CACNA1B: variants seen among roughly 807,000 people sequenced by gnomAD.
The protein encoded by CACNA1B is calcium voltage-gated channel subunit alpha1 B.
Under a neutral mutation model 247.2 loss-of-function variants are expected in CACNA1B, and 70 were observed. The observed-to-expected ratio is 0.28, with a 90% CI of 0.23 to 0.35. The LOEUF is 0.35. Among genes scored for constraint, CACNA1B ranks in the 10% least tolerant of loss-of-function variants. The pLI, the probability that CACNA1B is intolerant of heterozygous loss-of-function variation, is 1.00. For synonymous variants in CACNA1B, 1,231 were observed against 1,294.4 expected, an observed-to-expected ratio of 0.95 and a Z score of 1.05; for missense variants, 2,367 against 3,197.4, an observed-to-expected ratio of 0.74 and a Z score of 6.26.
intron 3 of CACNA1B, among the ~76,000 whole-genome samples, chr9:137,908,053 A>G (rs1348679245): frequency 1.3e-5 from 2 of 152,184 alleles, no homozygotes; most frequent in Non-Finnish European, 2.9e-5. Context: ...TCCACAGAGT[A>G]TTAATTATTT....
rs986312229 is a variant in CACNA1B, at chr9:138,072,501, A to T, written c.4675-987A>T. Reference sequence around the variant, plus strand: ...TCTCTTTATTTGATGACTGAATCTGACAACACGAACGTGTCTCTGAGCCTG... The same window carrying T: ...TCTCTTTATTTGATGACTGAATCTGTCAACACGAACGTGTCTCTGAGCCTG... On this transcript the variant is annotated intron_variant, in intron 32 of 46. Coordinates refer to ENST00000371372, the MANE Select transcript of CACNA1B (RefSeq NM_000718.4). The surrounding 1 kb of genome is among the most constrained non-coding windows in gnomAD (Gnocchi z 4.5). Among the ~76,000 whole-genome samples, 1 of 152,236 alleles carries T rather than the reference A, an allele frequency of 6.6e-6. No homozygotes were observed. Among genetic ancestry groups the T allele is most frequent in the African/African-American group, 2.4e-5 (1 of 41,460 alleles).
At chr9:137,975,856 A>C in intron 11 of CACNA1B, 51 bp from the exon 12 acceptor site, 1 of 1,125,018 alleles carries the variant, frequency 8.9e-7, no homozygotes, top group Non-Finnish European at 1.3e-6. Context: ...GGCTGGAGCC[A>C]GAGTGGGAGG....
chr9:137,944,405 G>C (rs1462949694), intron 6 of CACNA1B, among the ~76,000 whole-genome samples: 1 of 152,124 alleles, frequency 6.6e-6, no homozygotes, highest in East Asian at 1.9e-4. Flanking sequence ...CCTCCAAGGA[G>C]AGCCTCAAGA....
rs1210587821 is a variant in CACNA1B, at chr9:137,881,034, G to A, written c.391-1710G>A. ...TGGGCAGGGCAGAGCTGTGAGGAGA[G>A]GGCTCGGGCTGGGGGCTCCTTCCCA... is the stretch of plus-strand genomic sequence containing the variant. On this transcript the variant is annotated intron_variant, in intron 2 of 46. Transcript: ENST00000371372. This position sits in a 1 kb window ranked among gnomAD's most constrained non-coding sequence, Gnocchi z 4.3. Among the ~76,000 whole-genome samples the A allele has an allele frequency of 2.0e-5, 3 of 152,248 alleles. No individual in the cohort carries two copies. Among genetic ancestry groups the A allele is most frequent in the Non-Finnish European group, 2.9e-5 (2 of 68,028 alleles).
chr9:137,892,982 G>A (rs914388665), intron 3 of CACNA1B, among the ~76,000 whole-genome samples: 9 of 152,214 alleles, frequency 5.9e-5, no homozygotes, highest in South Asian at 2.1e-4. Flanking sequence ...AGGGACACAC[G>A]GGAGGGGGGC....
rs200721739 is a variant in CACNA1B at position 138,120,223 on chromosome 9, G to T, written c.6089G>T (p.Arg2030Leu). 1.2e-6 allele frequency: 2 copies of T among 1,608,552 alleles called. No homozygotes were observed. Among genetic ancestry groups the T allele is most frequent in the Non-Finnish European group, 1.7e-6 (2 of 1,178,176 alleles). Reference protein sequence around the residue: ...RSISTLAQRPRGTHLCSTTPD... With the variant: ...RSISTLAQRPLGTHLCSTTPD... ...ATCTCCACGCTGGCCCAGCGGCCCC[G>T]TGGGACTCATCTTTGCAGCACCACC... Residue 2030 changes from arginine (R) to leucine (L), a missense_variant, in exon 45 of 47, where the codon CGT (arginine) becomes CTT (leucine). Arg to Leu is a moderately radical substitution (Grantham distance 102). Transcript: ENST00000371372.
Position 137,901,470 on chromosome 9 carries a change from C to T in CACNA1B, c.531-11710C>T, listed in dbSNP as rs574819790. The stretch of plus-strand genomic sequence containing the variant: ...CCTCCTAAGTAGCTGGGATTACAGG[C>T]GCATACCACCAAGCCCAGCTGATTT... On this transcript the variant is annotated intron_variant, in intron 3 of 46. Coordinates refer to ENST00000371372, the MANE Select transcript of CACNA1B (RefSeq NM_000718.4). 5.9e-5 allele frequency among the ~76,000 whole-genome samples: 9 copies of T among 152,162 alleles called. No individual in the cohort carries two copies. The East Asian group carries it at 1.2e-3, about 20-fold the overall frequency.
intron 6 of CACNA1B, among the ~76,000 whole-genome samples, chr9:137,935,024 G>C (rs1296660157): frequency 6.6e-6 from 1 of 152,182 alleles, no homozygotes; most frequent in Admixed American, 6.5e-5. Context: ...TAGTTATTAA[G>C]CTAATCAGAA....
chr9:137,923,416 C>T (rs1001946696), intron 6 of CACNA1B, among the ~76,000 whole-genome samples: 8 of 147,808 alleles, frequency 5.4e-5, no homozygotes, highest in Non-Finnish European at 1.2e-4. Context: ...GGTAGTATTC[C>T]ATGGCTCCAG....
In CACNA1B at chr9:138,058,868, T is replaced by C. The variant is rs1959612827; in HGVS notation, c.4473+135T>C. 4.8e-6 allele frequency: 4 copies of C among 842,022 alleles called. No homozygotes were observed. Among genetic ancestry groups the C allele is most frequent in the Non-Finnish European group, 7.6e-6 (4 of 525,050 alleles). The allele number at this position is 842,022 out of a possible 1,614,324, so 52.2% of individuals were successfully genotyped here. On this transcript the variant is annotated intron_variant, in intron 29 of 46. Coordinates refer to ENST00000371372, the MANE Select transcript of CACNA1B (RefSeq NM_000718.4). The surrounding 1 kb of genome is among the most constrained non-coding windows in gnomAD (Gnocchi z 4.7). ...TAGTGGCCTTGCATCCTGGCCAGCA[T>C]GGGATGCCTGTGGAATCCTGTTTCC...
chr9:137,989,649 A>T (rs1057030993), intron 15 of CACNA1B, among the ~76,000 whole-genome samples: 1 of 152,202 alleles, frequency 6.6e-6, no homozygotes, highest in Non-Finnish European at 1.5e-5. Context: ...AAGTAACGGA[A>T]ACACTGGGGT....
intron 37 of CACNA1B, among the ~76,000 whole-genome samples, chr9:138,099,247 G>A (rs531112434): frequency 6.6e-6 from 1 of 152,286 alleles, no homozygotes; most frequent in Admixed American, 6.5e-5. Flanking sequence ...GCACACAGAT[G>A]TCTACATGTG....
chr9:138,073,481 T>C lies in CACNA1B; in HGVS notation c.4675-7T>C. ...GAAGGTCAGAGAACAATTCCTCTTC[T>C]CTGCAGAACAATTTCATCAACCTCA... On this transcript the variant is annotated splice_polypyrimidine_tract_variant and splice_region_variant and intron_variant, in intron 32 of 46. Transcript: ENST00000371372. The surrounding 1 kb of genome is among the most constrained non-coding windows in gnomAD (Gnocchi z 6.4). The C allele has an allele frequency of 6.3e-7, 1 of 1,586,862 alleles. No individual in the cohort carries two copies. Among genetic ancestry groups the C allele is most frequent in the Non-Finnish European group, 8.7e-7 (1 of 1,155,274 alleles).
intron 20 of CACNA1B, among the ~76,000 whole-genome samples, chr9:138,037,418 G>A (rs1959060041): frequency 6.6e-6 from 1 of 152,178 alleles, no homozygotes; most frequent in Non-Finnish European, 1.5e-5. Context: ...CAGCACTTTG[G>A]GAGGCCAAGG....
At position 137,877,846 on chromosome 9, in the gene CACNA1B, G is replaced by T. The variant is rs1297205248; in HGVS notation, c.-88G>T. ...GGTCCGCTGCGGTCCCGGCGGCTCC[G>T]TGGCTGCTCCGCTCTGAGCGCCTGG... On this transcript the variant is annotated 5_prime_UTR_variant, in exon 1 of 47. Transcript: ENST00000371372. 5 of 775,674 alleles carry T rather than the reference G, an allele frequency of 6.4e-6. No individual in the cohort carries two copies. In the South Asian group the frequency reaches 2.8e-4, roughly 43 times the overall value. The allele number at this position is 775,674 out of a possible 1,614,324, so 48.0% of individuals were successfully genotyped here.
At chr9:138,085,170 T>G (rs1022663596) in intron 36 of CACNA1B, among the ~76,000 whole-genome samples, 14 of 149,906 alleles carry the variant, frequency 9.3e-5, no homozygotes, top group Non-Finnish European at 1.8e-4. Flanking sequence ...AACAAAGAGA[T>G]AGGAATCATA....
Position 137,957,411 on chromosome 9 carries a change from T to C in CACNA1B, c.1244-187T>C, listed in dbSNP as rs1957961828. Among the ~76,000 whole-genome samples, 1 of 152,120 alleles carries C rather than the reference T, an allele frequency of 6.6e-6. No individual in the cohort carries two copies. Among genetic ancestry groups the C allele is most frequent in the Non-Finnish European group, 1.5e-5 (1 of 68,000 alleles). On this transcript the variant is annotated intron_variant, in intron 9 of 46. Coordinates refer to ENST00000371372, the MANE Select transcript of CACNA1B (RefSeq NM_000718.4). The surrounding 1 kb of genome is among the most constrained non-coding windows in gnomAD (Gnocchi z 4.7). ...GACCCCTCACCCTCAAAATTCCTTG[T>C]CCCTTCAGCTCTGGGGACTGGGAGG...
chr9:137,897,711 C>CTTATT lies in CACNA1B; in HGVS notation c.530+14828_530+14829insTTATT, dbSNP rs139525655. ...TATTTTGTGTTTTTATCATTTTAAT[C>CTTATT]ATTATTATTATTATTATTATATTTT... On this transcript the variant is annotated intron_variant, in intron 3 of 46. Transcript: ENST00000371372. Among the ~76,000 whole-genome samples the CTTATT allele has an allele frequency of 2.9e-3, 442 of 151,512 alleles. 1 individual carries two copies. Among genetic ancestry groups the CTTATT allele is most frequent in the Middle Eastern group, 0.024 (7 of 290 alleles).
At chr9:137,909,493 T>C (rs1417538587) in intron 3 of CACNA1B, among the ~76,000 whole-genome samples, 1 of 152,264 alleles carries the variant, frequency 6.6e-6, no homozygotes, top group African/African-American at 2.4e-5. Flanking sequence ...AGAATAATGT[T>C]ACCCAAGTTC....
Sources: gnomAD v4.1 joint callset for allele counts (sites outside exome capture counted in the v4.1 genomes callset) on GRCh38, gnomAD v4.1.1 for gene constraint, Gnocchi (gnomAD v3.1) non-coding constraint, MANE v1.5 for transcripts, NCBI Gene and HGNC (gene_info 2026-07-23, HGNC 2026-07-21) for gene names.